CDHR2: variants seen among roughly 807,000 people sequenced by gnomAD.
CDHR2 encodes cadherin related family member 2, also known as cadherin-related family member 2.
In CDHR2, 104 loss-of-function variants were observed where a neutral mutation model predicts 138.6. The ratio of observed to expected loss-of-function variants is 0.75; its 90% CI spans 0.64 to 0.88. The LOEUF (loss-of-function observed/expected upper bound fraction) is 0.88, where lower values mean the gene tolerates loss of function less well. Among genes scored for constraint, CDHR2 ranks in the 40% least tolerant of loss-of-function variants. The pLI is 0.00. For synonymous variants in CDHR2, 755 were observed against 742.8 expected, an observed-to-expected ratio of 1.02 and a Z score of -0.27; for missense variants, 1,624 against 1,727.6, an observed-to-expected ratio of 0.94 and a Z score of 1.06.
Position 176,575,849 on chromosome 5 carries a change from G to A in CDHR2, c.960+10G>A, listed in dbSNP as rs1444128203. ...GCAGCTGCAGGTCACGGTGAGCAAA[G>A]GCCCCACCACCCCTGTCAGAACCCT... On this transcript the variant is annotated intron_variant, in intron 11 of 31. Coordinates refer to ENST00000261944, the MANE Select transcript of CDHR2 (RefSeq NM_017675.6). 3.2e-6 allele frequency: 5 copies of A among 1,545,582 alleles called. No individual in the cohort carries two copies. Among genetic ancestry groups the A allele is most frequent in the Non-Finnish European group, 4.4e-6 (5 of 1,143,390 alleles).
At chr5:176,568,071 T>C (rs1280392427) in intron 3 of CDHR2, among the ~76,000 whole-genome samples, 3 of 152,242 alleles carry the variant, frequency 2.0e-5, no homozygotes, top group African/African-American at 7.2e-5. Flanking sequence ...AGAAAGTCCT[T>C]GCTAATGAAT....
chr5:176,583,622 G>A (rs577129784), intron 17 of CDHR2, among the ~76,000 whole-genome samples: 1 of 151,246 alleles, frequency 6.6e-6, no homozygotes, highest in African/African-American at 2.5e-5. Context: ...GCTGGCCACA[G>A]AGGTGAGAGC....
rs776279680 is a variant in CDHR2, at chr5:176,575,761, T to G, written c.882T>G (p.Asp294Glu). 34 of 1,568,702 alleles carry G rather than the reference T, an allele frequency of 2.2e-5. No homozygotes were observed. The East Asian group carries it at 7.9e-4, about 36-fold the overall frequency. ...CCGGCTGGTTTGACATCGGGGCAGA[T>G]GGGGTGATCAGGGTCAACGGCTCCC... is the stretch of plus-strand genomic sequence containing the variant. ...TRPGWFDIGADGVIRVNGSLD... is the reference protein window; with the variant it reads ...TRPGWFDIGAEGVIRVNGSLD... The change falls in exon 11 of 32, where the codon GAT becomes GAG. Residue 294 changes from aspartate (D) to glutamate (E), a missense_variant. By Grantham distance (45) the Asp-to-Glu change is conservative (BLOSUM62 2). This residue lies in a region of CDHR2 where 1,061 missense variants were observed against 1,136.6 expected (regional missense o/e 0.93). Coordinates refer to ENST00000261944, the MANE Select transcript of CDHR2 (RefSeq NM_017675.6).
Position 176,576,280 on chromosome 5 carries a change from T to A in CDHR2, c.1194+95T>A. 1.0e-6 allele frequency: 1 copy of A among 974,390 alleles called. No individual in the cohort carries two copies. Among genetic ancestry groups the A allele is most frequent in the Non-Finnish European group, 1.5e-6 (1 of 649,838 alleles). The allele number at this position is 974,390 out of a possible 1,614,324, so 60.4% of individuals were successfully genotyped here. A position where few individuals can be genotyped will look rare whatever the true frequency, so the allele number is the denominator to read the frequency against. ...GGTGTCATGTGGTGCTGGGTGGCGG[T>A]GCTGGTGGTGCAGGGTGTGATGGCG... is the stretch of plus-strand genomic sequence containing the variant. On this transcript the variant is annotated intron_variant, in intron 12 of 31. Coordinates refer to ENST00000261944, the MANE Select transcript of CDHR2 (RefSeq NM_017675.6). This position sits in a 1 kb window ranked among gnomAD's most constrained non-coding sequence, Gnocchi z 4.5.
At chr5:176,579,140 A>G (rs932996793) in intron 16 of CDHR2, among the ~76,000 whole-genome samples, 1 of 152,088 alleles carries the variant, frequency 6.6e-6, no homozygotes, top group Non-Finnish European at 1.5e-5. Context: ...CTCCAGAGAA[A>G]CACCGGGGAG....
At position 176,557,684 on chromosome 5, in the gene CDHR2, T is replaced by TC. The variant is rs1473894182; in HGVS notation, c.-15-7654_-15-7653insC. ...GGGCTAAGTCATTATCTGTTGATTT[T>TC]TTTTTCTTTCTTTCTTTCTTTCTTT... is the stretch of plus-strand genomic sequence containing the variant. On this transcript the variant is annotated intron_variant, in intron 1 of 31. Coordinates refer to ENST00000261944, the MANE Select transcript of CDHR2 (RefSeq NM_017675.6). 4.8e-3 allele frequency among the ~76,000 whole-genome samples: 207 copies of TC among 43,530 alleles called. 4 individuals carry two copies. The highest frequency in any genetic ancestry group is 9.3e-3 in the African/African-American group (202 of 21,664). 28.6% of individuals were successfully genotyped at this position (43,530 alleles called of 152,430 possible). A position where few individuals can be genotyped will look rare whatever the true frequency, so the allele number is the denominator to read the frequency against.
upstream of CDHR2, among the ~76,000 whole-genome samples, chr5:176,549,213 C>T (rs58178124): frequency 7.3e-3 from 1,106 of 152,308 alleles, 13 homozygotes; most frequent in African/African-American, 0.025. Context: ...TCCTGTCCGG[C>T]GCCCCCAGCT....
chr5:176,577,952 A>G, intron 14 of CDHR2, 82 bp from the exon 15 acceptor site: 4 of 1,515,796 alleles, frequency 2.6e-6, no homozygotes, highest in Non-Finnish European at 3.6e-6. Flanking sequence ...AGGAAGCACG[A>G]CAGCTCTGTC....
In CDHR2 at chr5:176,543,581, G is replaced by A. The variant is rs1490167993; in HGVS notation, c.-16+812G>A. On this transcript the variant is annotated intron_variant, in intron 1 of 31. Transcript: ENST00000510636. This position sits in a 1 kb window ranked among gnomAD's most constrained non-coding sequence, Gnocchi z 4.0. ...CGTAAGGGCGCGGCGCCTGGGGCCT[G>A]GCAGCCTCCGTGACCTTGGAGGAGT... 6.6e-6 allele frequency: 1 copy of A among 152,242 alleles called. No homozygotes were observed. Among genetic ancestry groups the A allele is most frequent in the African/African-American group, 2.4e-5 (1 of 41,452 alleles). 9.4% of individuals were successfully genotyped at this position (152,242 alleles called of 1,614,324 possible). A position where few individuals can be genotyped will look rare whatever the true frequency, so the allele number is the denominator to read the frequency against.
At position 176,578,397 on chromosome 5, in the gene CDHR2, G is replaced by GGACGGT. The variant is rs1204934521; in HGVS notation, c.1616_1621dup (p.Thr539_Val540dup). On this transcript the variant is annotated inframe_insertion, in exon 16 of 32. Transcript: ENST00000261944. Reference sequence around the variant, plus strand: ...CTCTTCCAAGTGGATCCCGTCTCAGGGACGGTGACGGTGAGGAACGGTGAG... The same window carrying GGACGGT: ...CTCTTCCAAGTGGATCCCGTCTCAGGGACGGTGACGGTGACGGTGAGGAACGGTGAG... The GGACGGT allele has an allele frequency of 1.2e-6, 2 of 1,613,824 alleles. No homozygotes were observed. Among genetic ancestry groups the GGACGGT allele is most frequent in the Non-Finnish European group, 1.7e-6 (2 of 1,179,966 alleles).
In CDHR2 at chr5:176,574,093, T is replaced by C. The variant is rs2113295089; in HGVS notation, c.416T>C (p.Val139Ala). ...FSTSINETLPVGSVVFSVLAV... is the reference protein window; with the variant it reads ...FSTSINETLPAGSVVFSVLAV... Reference sequence around the variant, plus strand: ...AGTCCCTCCCTGCAGACCCTGCCCGTGGGCAGTGTGGTGTTCTCCGTGCTG... The same window carrying C: ...AGTCCCTCCCTGCAGACCCTGCCCGCGGGCAGTGTGGTGTTCTCCGTGCTG... Residue 139 changes from valine to alanine, a missense_variant, in exon 7 of 32, where the codon GTG becomes GCG. Val to Ala is a moderately conservative substitution (Grantham distance 64, BLOSUM62 0). Transcript: ENST00000261944. The C allele has an allele frequency of 3.1e-6, 5 of 1,613,806 alleles. No homozygotes were observed. Among genetic ancestry groups the C allele is most frequent in the East Asian group, 2.2e-5 (1 of 44,884 alleles).
At position 176,568,730 on chromosome 5, in the gene CDHR2, C is replaced by T; in HGVS notation, c.177C>T (p.Thr59=). 2.5e-6 allele frequency: 4 copies of T among 1,614,240 alleles called. No homozygotes were observed. The highest frequency in any genetic ancestry group is 1.3e-5 in the African/African-American group (1 of 75,072). Residue 59 remains threonine (T), a synonymous_variant, in exon 4 of 32, where the codon ACC becomes ACT. Coordinates refer to ENST00000261944, the MANE Select transcript of CDHR2 (RefSeq NM_017675.6). ...VAEDQDNDPL[T]YGMSGPNAYF... ...AAGACCAGGACAATGACCCTCTGAC[C>T]TATGGGATGAGCGGCCCCAATGCCT... is the stretch of plus-strand genomic sequence containing the variant.
intron 24 of CDHR2, 52 bp downstream of exon 24, chr5:176,589,668 C>A (rs761959894): frequency 9.1e-5 from 138 of 1,520,194 alleles, no homozygotes; most frequent in Middle Eastern, 1.7e-4. Flanking sequence ...GGTGTAGGAG[C>A]CTGGTCCCCG....
intron 17 of CDHR2, among the ~76,000 whole-genome samples, chr5:176,582,693 G>A (rs980575185): frequency 1.3e-5 from 2 of 152,160 alleles, no homozygotes; most frequent in African/African-American, 4.8e-5. Context: ...GAGGCAGGTG[G>A]ATCATTTCAG....
At position 176,576,123 on chromosome 5, in the gene CDHR2, G is replaced by A. The variant is rs201335313; in HGVS notation, c.1132G>A (p.Glu378Lys). The A allele has an allele frequency of 4.7e-5, 76 of 1,614,068 alleles. No individual in the cohort carries two copies. In the East Asian group the frequency reaches 1.4e-3, roughly 29 times the overall value. ...AQVNFTGYVD[E>K]HASPRIPIDD... ...AGTGAACTTCACTGGCTACGTGGAC[G>A]AGCATGCCTCCCCCCGCATCCCCAT... The change falls in exon 12 of 32, where the codon GAG becomes AAG. Residue 378 changes from glutamate to lysine, a missense_variant. Glu to Lys is a moderately conservative substitution (Grantham distance 56). Transcript: ENST00000261944. This position sits in a 1 kb window ranked among gnomAD's most constrained non-coding sequence, Gnocchi z 4.5.
At position 176,576,949 on chromosome 5, in the gene CDHR2, T is replaced by C. The variant is rs1201226720; in HGVS notation, c.1195-450T>C. On this transcript the variant is annotated intron_variant, in intron 12 of 31. Transcript: ENST00000261944. This position sits in a 1 kb window ranked among gnomAD's most constrained non-coding sequence, Gnocchi z 4.5. ...GGTGGCGCTGGAGGATGAGTAACTC[T>C]GGAGGGTGTATGGTGTTAGGTGATA... is the stretch of plus-strand genomic sequence containing the variant. Among the ~76,000 whole-genome samples, 1 of 152,104 alleles carries C rather than the reference T, an allele frequency of 6.6e-6. No individual in the cohort carries two copies. Among genetic ancestry groups the C allele is most frequent in the Non-Finnish European group, 1.5e-5 (1 of 68,010 alleles).
intron 1 of CDHR2, among the ~76,000 whole-genome samples, chr5:176,557,651 G>A (rs1427085021): frequency 1.4e-5 from 2 of 143,190 alleles, no homozygotes; most frequent in Non-Finnish European, 1.5e-5. Flanking sequence ...CTGCAACCTC[G>A]GCCTCCTGGG....
At chr5:176,573,437 C>T (rs1026943241) in intron 6 of CDHR2, among the ~76,000 whole-genome samples, 3 of 151,384 alleles carry the variant, frequency 2.0e-5, no homozygotes, top group East Asian at 1.9e-4. Context: ...GTCAGGAGTT[C>T]GACACCAGCC....
At chr5:176,591,591 GGTGTGGTC>G in intron 30 of CDHR2, 107 bp downstream of exon 30, 1 of 868,020 alleles carries the variant, frequency 1.2e-6, no homozygotes, top group Admixed American at 1.8e-5. Flanking sequence ...CAATGGTGAT[GGTGTGGTC>G]ATGGTAGTAG....
Sources: allele counts gnomAD v4.1 joint callset (sites outside exome capture counted in the v4.1 genomes callset), GRCh38; gene constraint gnomAD v4.1.1; regional missense constraint gnomAD v4.1.1; non-coding constraint Gnocchi (gnomAD v3.1); transcripts MANE v1.5; gene names NCBI Gene and HGNC (gene_info 2026-07-23, HGNC 2026-07-21).